The following FSHR variants were observed in gnomAD, a reference collection of about 807,000 sequenced individuals.
The protein encoded by FSHR is follicle stimulating hormone receptor.
Under a neutral mutation model 52.1 loss-of-function variants are expected in FSHR, and 46 were observed. The ratio of observed to expected loss-of-function variants is 0.88; its 90% CI spans 0.70 to 1.13. FSHR has a LOEUF of 1.13. Ranked by LOEUF, FSHR falls within the 50% of genes most tolerant of loss-of-function variation. The pLI is 0.00. For synonymous variants in FSHR, 399 were observed against 309.6 expected (o/e 1.29, Z -3.03); for missense variants, 964 against 834.6 (o/e 1.16, Z -1.91).
At chr2:49,069,656 T>C (rs1669656103) in intron 1 of FSHR, among the ~76,000 whole-genome samples, 1 of 152,170 alleles carries the variant, frequency 6.6e-6, no homozygotes, top group South Asian at 2.1e-4. Flanking sequence ...TTTGAATGAC[T>C]GAATTAAATG....
chr2:49,150,932 A>C (rs1180506341), intron 1 of FSHR, among the ~76,000 whole-genome samples: 1 of 152,146 alleles, frequency 6.6e-6, no homozygotes, highest in East Asian at 1.9e-4. Flanking sequence ...GTTGAAAAAA[A>C]TCAAAATAAT....
chr2:49,140,148 A>AAATATAATCCCC (rs1451679758), intron 1 of FSHR, among the ~76,000 whole-genome samples: 1 of 152,064 alleles, frequency 6.6e-6, no homozygotes, highest in Non-Finnish European at 1.5e-5. Flanking sequence ...GCTCATGTTA[A>AAATATAATCCCC]AATATAATCC....
intron 8 of FSHR, among the ~76,000 whole-genome samples, chr2:48,981,087 C>T (rs1433988314): frequency 6.6e-6 from 1 of 152,146 alleles, no homozygotes; most frequent in Non-Finnish European, 1.5e-5. Context: ...TCATTTGTCT[C>T]CCGAGTACTC....
rs1162830609 is a variant in FSHR, at chr2:49,068,998, T to TA, written c.153-709dup. 7.9e-5 allele frequency among the ~76,000 whole-genome samples: 12 copies of TA among 152,042 alleles called. 1 individual carries two copies. The highest frequency in any genetic ancestry group is 1.6e-4 in the Non-Finnish European group (11 of 67,976). The stretch of plus-strand genomic sequence containing the variant: ...ATGCCATAATGTCTCTCATCTCATC[T>TA]AAAAAAAGTCTTCTCTTAACCTCAG... On this transcript the variant is annotated intron_variant, in intron 1 of 9. Transcript: ENST00000406846.
At chr2:49,059,685 T>G (rs1337741838) in intron 2 of FSHR, 1 of 152,330 alleles carries the variant, frequency 6.6e-6, no homozygotes, top group East Asian at 1.9e-4. Context: ...ATGCCCCCTT[T>G]CACCTCTCAT....
chr2:49,100,352 G>A (rs151002046), intron 1 of FSHR, among the ~76,000 whole-genome samples: 2 of 152,248 alleles, frequency 1.3e-5, no homozygotes, highest in African/African-American at 2.4e-5. Flanking sequence ...GTATTAGCTA[G>A]TCAAACTCCA....
chr2:49,035,200 T>C (rs1017133259), intron 2 of FSHR, among the ~76,000 whole-genome samples: 2 of 152,236 alleles, frequency 1.3e-5, no homozygotes, highest in Non-Finnish European at 2.9e-5. Context: ...GGCAAATCAC[T>C]GATAATTACA....
chr2:48,969,576 GGTT>G (rs1313858333), intron 8 of FSHR, among the ~76,000 whole-genome samples: 4 of 152,166 alleles, frequency 2.6e-5, no homozygotes, highest in African/African-American at 9.7e-5. Context: ...TACCTCAGAG[GGTT>G]GTTGTTAAAA....
chr2:49,058,162 A>G (rs1434683295), intron 2 of FSHR, among the ~76,000 whole-genome samples: 2 of 152,246 alleles, frequency 1.3e-5, no homozygotes, highest in African/African-American at 4.8e-5. Context: ...TGAAAGTTCA[A>G]ACAAGAGCAA....
chr2:49,109,305 G>A (rs915501667), intron 1 of FSHR, among the ~76,000 whole-genome samples: 4 of 152,088 alleles, frequency 2.6e-5, no homozygotes, highest in African/African-American at 9.7e-5. Flanking sequence ...TGAGAGGGGA[G>A]TTGGTGTGAA....
At chr2:49,127,838 CTTCTTCT>C (rs1672096812) in intron 1 of FSHR, among the ~76,000 whole-genome samples, 2 of 17,648 alleles carry the variant, frequency 1.1e-4, no homozygotes, top group Non-Finnish European at 2.1e-4. Context: ...TCCTCTTCTT[CTTCTTCT>C]TCTTCTTCTT....
chr2:49,023,682 T>C (rs12713033), intron 2 of FSHR, among the ~76,000 whole-genome samples: 49,877 of 151,990 alleles, frequency 0.33, 8,690 homozygotes, highest in Non-Finnish European at 0.39. Context: ...GTTGAGGTCC[T>C]TGAATTGACA....
chr2:49,082,342 C>G (rs989799134), intron 1 of FSHR, among the ~76,000 whole-genome samples: 1 of 152,172 alleles, frequency 6.6e-6, no homozygotes, highest in East Asian at 1.9e-4. Flanking sequence ...AAAAACCCAT[C>G]TGTACATCAC....
chr2:49,113,026 C>T (rs1366638269), intron 1 of FSHR, among the ~76,000 whole-genome samples: 1 of 152,054 alleles, frequency 6.6e-6, no homozygotes, highest in Non-Finnish European at 1.5e-5. Flanking sequence ...AGAAAACGGG[C>T]CACTTAATAG....
chr2:49,154,277 A>T lies in FSHR; in HGVS notation c.141T>A (p.Asn47Lys), dbSNP rs767532725. The T allele has an allele frequency of 6.2e-7, 1 of 1,613,884 alleles. No individual in the cohort carries two copies. Among genetic ancestry groups the T allele is most frequent in the East Asian group, 2.2e-5 (1 of 44,850 alleles). Reference sequence around the variant, plus strand: ...CCTCTGATACTCACAGTTCAATGGCATTCCTCGGGAGGTCAGAAGGAATCT... The same window carrying T: ...CCTCTGATACTCACAGTTCAATGGCTTTCCTCGGGAGGTCAGAAGGAATCT... Reference protein sequence around the residue: ...VTEIPSDLPRNAIELRFVLTK... With the variant: ...VTEIPSDLPRKAIELRFVLTK... Residue 47 changes from asparagine to lysine, a missense_variant, in exon 1 of 10, where the codon AAT (asparagine) becomes AAA (lysine). Physicochemically the swap from Asn to Lys is moderately conservative, Grantham distance 94 (BLOSUM62 0). Coordinates refer to ENST00000406846, the MANE Select transcript of FSHR (RefSeq NM_000145.4).
intron 2 of FSHR, among the ~76,000 whole-genome samples, chr2:49,027,681 C>G (rs1407378712): frequency 1.3e-5 from 2 of 152,062 alleles, no homozygotes; most frequent in Non-Finnish European, 2.9e-5. Context: ...AAAACACCAT[C>G]TCTACTAAAA....
chr2:48,981,459 G>T (rs746490181), intron 8 of FSHR, among the ~76,000 whole-genome samples: 1 of 151,980 alleles, frequency 6.6e-6, no homozygotes, highest in Non-Finnish European at 1.5e-5. Flanking sequence ...TTTTTTTTAG[G>T]TGAGGAAACC....
chr2:49,081,357 AC>A (rs1229646670), intron 1 of FSHR, among the ~76,000 whole-genome samples: 2 of 152,272 alleles, frequency 1.3e-5, no homozygotes, highest in South Asian at 4.1e-4. Context: ...TTAAAAAAAA[AC>A]AAAACTAAGC....
At chr2:49,071,363 C>A (rs1669721233) in intron 1 of FSHR, among the ~76,000 whole-genome samples, 1 of 151,926 alleles carries the variant, frequency 6.6e-6, no homozygotes, top group South Asian at 2.1e-4. Flanking sequence ...AATTAGAAAA[C>A]CTTGTAAAAA....
Sources: allele counts gnomAD v4.1 joint callset (sites outside exome capture counted in the v4.1 genomes callset), GRCh38; gene constraint gnomAD v4.1.1; transcripts MANE v1.5; gene names NCBI Gene and HGNC (gene_info 2026-07-23, HGNC 2026-07-21).